Variants in FRMPD4 observed in about 807,000 individuals in gnomAD.
The protein encoded by FRMPD4 is FERM and PDZ domain containing 4, also known as FERM and PDZ domain-containing protein 4.
In FRMPD4, 22 loss-of-function variants were observed where a neutral mutation model predicts 94.1. That is an observed-to-expected ratio of 0.23 (90% CI 0.17 to 0.33). The LOEUF is 0.33. Ranked by LOEUF, FRMPD4 falls within the 10% of genes least tolerant of loss-of-function variation. The probability of loss-of-function intolerance (pLI) is 1.00; values close to 1 mark genes in which losing one functional copy is unlikely to be tolerated. For missense variants in FRMPD4, 1,111 were observed against 1,339.9 expected (o/e 0.83, Z 2.67); for synonymous variants, 631 against 548.6 (o/e 1.15, Z -2.10).
chrX:12,012,737 T>C (rs1025186069), intron 3 of FRMPD4, among the ~76,000 whole-genome samples: 1 of 112,597 alleles, frequency 8.9e-6, no homozygotes, highest in Non-Finnish European at 1.9e-5. Flanking sequence ...GGAGAAGAAC[T>C]ATATAACATT....
chrX:12,678,983 C>T (rs1026777996), intron 5 of FRMPD4, among the ~76,000 whole-genome samples: 1 of 112,563 alleles, frequency 8.9e-6, no homozygotes, highest in African/African-American at 3.2e-5. Flanking sequence ...ACCCGCTTTC[C>T]TGCCTCCAAC....
chrX:12,513,276 C>T (rs955361932), intron 2 of FRMPD4, among the ~76,000 whole-genome samples: 4 of 112,101 alleles, frequency 3.6e-5, no homozygotes, highest in African/African-American at 1.3e-4. Flanking sequence ...ATGTTTCCAT[C>T]ATGAAATCTT....
chrX:11,850,037 G>A (rs1057304893), intron 1 of FRMPD4, among the ~76,000 whole-genome samples: 1 of 111,634 alleles, frequency 9.0e-6, no homozygotes, highest in Admixed American at 9.5e-5. Context: ...ATCTGATAAG[G>A]GGCTAATATA....
At chrX:12,195,171 G>A (rs1273285957) in intron 1 of FRMPD4, among the ~76,000 whole-genome samples, 2 of 111,412 alleles carry the variant, frequency 1.8e-5, no homozygotes, top group African/African-American at 6.5e-5. Context: ...ATGTTTAACC[G>A]CACCTCTCGC....
At chrX:12,717,170 C>T (rs1350196687) in intron 15 of FRMPD4, 37 bp downstream of exon 15, 2 of 901,602 alleles carry the variant, frequency 2.2e-6, no homozygotes, top group Admixed American at 2.7e-5. Flanking sequence ...CACTGATAAC[C>T]ATATCATTCC....
intron 1 of FRMPD4, among the ~76,000 whole-genome samples, chrX:12,267,602 G>A (rs1326420275): frequency 9.1e-6 from 1 of 109,529 alleles, no homozygotes; most frequent in Non-Finnish European, 1.9e-5. Context: ...TATTTAGGAG[G>A]AATGGTTCGC....
chrX:11,918,921 C>T (rs1041229868), intron 3 of FRMPD4, among the ~76,000 whole-genome samples: 3 of 112,428 alleles, frequency 2.7e-5, no homozygotes, highest in African/African-American at 6.5e-5. Flanking sequence ...ATGGCAATGC[C>T]GGACACCTTG....
At chrX:12,155,949 T>C (rs2055929827) in intron 1 of FRMPD4, among the ~76,000 whole-genome samples, 2 of 112,031 alleles carry the variant, frequency 1.8e-5, no homozygotes, top group South Asian at 3.7e-4. Flanking sequence ...CTGAGTTGAG[T>C]AGTTGCAAGT....
At position 12,182,786 on chromosome X, in the gene FRMPD4, A is replaced by G. The variant is rs372731750; in HGVS notation, c.41+43774A>G. ...ACAAATCAGTTCAGCCAAGATTTTC[A>G]TTCGAATCCAGTGAGATATGGCCTT... On this transcript the variant is annotated intron_variant, in intron 1 of 16. Transcript: ENST00000675598. 5.4e-5 allele frequency among the ~76,000 whole-genome samples: 6 copies of G among 111,429 alleles called. No homozygotes were observed. The East Asian group carries it at 1.7e-3, about 32-fold the overall frequency.
At chrX:12,707,087 C>A (rs948518277) in intron 12 of FRMPD4, among the ~76,000 whole-genome samples, 172 bp downstream of exon 12, 1 of 110,760 alleles carries the variant, frequency 9.0e-6, no homozygotes, top group Admixed American at 9.6e-5. Flanking sequence ...AACACCACTG[C>A]AGAATGCCCT....
Position 12,352,201 on chromosome X carries a change from T to C in FRMPD4, c.42-146479T>C, listed in dbSNP as rs780568531. Among the ~76,000 whole-genome samples, 14 of 112,507 alleles carry C rather than the reference T, an allele frequency of 1.2e-4. No homozygotes were observed. In the South Asian group the frequency reaches 5.2e-3, roughly 42 times the overall value. On this transcript the variant is annotated intron_variant, in intron 1 of 16. Transcript: ENST00000675598. ...TTTTCTTTAAAAAATTTAATGTCTTTAAAATTTTAATAGGAGGCTCTATTA... is the reference window on the plus strand; with the variant it reads ...TTTTCTTTAAAAAATTTAATGTCTTCAAAATTTTAATAGGAGGCTCTATTA...
At chrX:12,491,532 A>G (rs2057793620) in intron 1 of FRMPD4, among the ~76,000 whole-genome samples, 1 of 111,859 alleles carries the variant, frequency 8.9e-6, no homozygotes, top group South Asian at 3.7e-4. Flanking sequence ...GTAGCAAACA[A>G]CCCCTCTTGT....
chrX:11,931,263 A>G (rs2054121003), intron 3 of FRMPD4, among the ~76,000 whole-genome samples: 1 of 111,650 alleles, frequency 9.0e-6, no homozygotes, highest in Non-Finnish European at 1.9e-5. Flanking sequence ...GCATAGAAAA[A>G]CACCCCAAAA....
intron 3 of FRMPD4, among the ~76,000 whole-genome samples, chrX:12,101,937 T>G (rs775467518): frequency 3.2e-4 from 36 of 112,100 alleles, no homozygotes; most frequent in Non-Finnish European, 6.0e-4. Flanking sequence ...GAGATCCAAC[T>G]ACATTAAGCT....
intron 1 of FRMPD4, among the ~76,000 whole-genome samples, chrX:12,189,285 C>T (rs1283178862): frequency 9.0e-6 from 1 of 110,987 alleles, no homozygotes; most frequent in Non-Finnish European, 1.9e-5. Context: ...AATTAATAAC[C>T]TCCCCAAACA....
chrX:12,480,824 A>C, intron 1 of FRMPD4, among the ~76,000 whole-genome samples: 1 of 112,510 alleles, frequency 8.9e-6, no homozygotes, highest in African/African-American at 3.2e-5. Context: ...ATTATTTTTG[A>C]GTTAAAACAA....
At chrX:12,088,041 C>T (rs1183444183) in intron 3 of FRMPD4, among the ~76,000 whole-genome samples, 1 of 112,523 alleles carries the variant, frequency 8.9e-6, no homozygotes, top group Non-Finnish European at 1.9e-5. Context: ...TAATTCCTTG[C>T]AGACAGAGGA....
chrX:12,400,112 C>T lies in FRMPD4; in HGVS notation c.42-98568C>T, dbSNP rs566943488. The stretch of plus-strand genomic sequence containing the variant: ...AGGGGAAAGTGACGCAGGCATACTA[C>T]TTATATCCCATTGGTTAATAAACCC... On this transcript the variant is annotated intron_variant, in intron 1 of 16. Coordinates refer to ENST00000675598, the MANE Select transcript of FRMPD4 (RefSeq NM_001368397.1). Among the ~76,000 whole-genome samples the T allele has an allele frequency of 2.7e-5, 3 of 112,211 alleles. No homozygotes were observed. In the South Asian group the frequency reaches 1.1e-3, roughly 42 times the overall value.
chrX:12,721,297 T>C lies in FRMPD4; in HGVS notation c.4728T>C (p.Asp1576=). ...KVWAEDLRDP[D]DLDFSNLAFD... ...GGGCAGAAGACCTGCGAGACCCAGA[T>C]GACTTGGACTTCAGCAACCTGGCTT... The change falls in exon 17 of 17, where the codon GAT becomes GAC. Residue 1576 remains aspartate (D), a synonymous_variant. Transcript: ENST00000675598. 1 of 755,406 alleles carries C rather than the reference T, an allele frequency of 1.3e-6. No homozygotes were observed. Among genetic ancestry groups the C allele is most frequent in the Middle Eastern group, 3.9e-4 (1 of 2,561 alleles). 62.3% of individuals were successfully genotyped at this position (755,406 alleles called of 1,213,427 possible). A position where few individuals can be genotyped will look rare whatever the true frequency, so the allele number is the denominator to read the frequency against.
Sources: gnomAD v4.1 joint callset for allele counts (sites outside exome capture counted in the v4.1 genomes callset) on GRCh38, gnomAD v4.1.1 for gene constraint, MANE v1.5 for transcripts, NCBI Gene and HGNC (gene_info 2026-07-23, HGNC 2026-07-21) for gene names.